Variants in ZNF609 observed in about 807,000 individuals in gnomAD.
ZNF609 encodes the protein zinc finger protein 609.
In ZNF609, 11 loss-of-function variants were observed where a neutral mutation model predicts 109.5. The observed-to-expected ratio is 0.10, with a 90% CI of 0.06 to 0.17. The LOEUF is 0.17. Ranked by LOEUF, ZNF609 falls within the 10% of genes least tolerant of loss-of-function variation. The pLI is 1.00. For synonymous variants in ZNF609, 646 were observed against 662.0 expected, an observed-to-expected ratio of 0.98 and a Z score of 0.37; for missense variants, 1,559 against 1,772.4, an observed-to-expected ratio of 0.88 and a Z score of 2.16.
chr15:64,661,318 T>C (rs1218601242), intron 3 of ZNF609, among the ~76,000 whole-genome samples: 2 of 152,222 alleles, frequency 1.3e-5, no homozygotes, highest in African/African-American at 4.8e-5. Flanking sequence ...CTTTCTCCTC[T>C]TATCTGAATG....
intron 3 of ZNF609, among the ~76,000 whole-genome samples, chr15:64,640,929 C>T (rs1249065383): frequency 6.6e-6 from 1 of 152,172 alleles, no homozygotes; most frequent in Non-Finnish European, 1.5e-5. Context: ...TTGCATTTCT[C>T]CCATCTTTCC....
At chr15:64,517,061 A>G (rs1024029109) in intron 2 of ZNF609, among the ~76,000 whole-genome samples, 2 of 152,192 alleles carry the variant, frequency 1.3e-5, no homozygotes, top group Non-Finnish European at 2.9e-5. Context: ...TGCTTTAAAA[A>G]TATAGCATTA....
intron 3 of ZNF609, among the ~76,000 whole-genome samples, chr15:64,645,020 CCTTCCTTCCTTT>C (rs1174990259): frequency 1.3e-4 from 17 of 134,686 alleles, no homozygotes; most frequent in South Asian, 2.4e-4. Flanking sequence ...TTCCTTCCTT[CCTTCCTTCCTTT>C]CTTCCTTCCT....
At chr15:64,658,274 C>T (rs1396823339) in intron 3 of ZNF609, among the ~76,000 whole-genome samples, 4 of 152,018 alleles carry the variant, frequency 2.6e-5, no homozygotes, top group Admixed American at 6.6e-5. Flanking sequence ...CTCGGCTCAC[C>T]GCAACCTCCG....
At chr15:64,462,558 C>T (rs1392006768) in intron 1 of ZNF609, among the ~76,000 whole-genome samples, 1 of 152,048 alleles carries the variant, frequency 6.6e-6, no homozygotes, top group African/African-American at 2.4e-5. Flanking sequence ...GGCTGGAGCC[C>T]AGGAGTTTAA....
rs540320364 is a variant in ZNF609 at position 64,517,855 on chromosome 15, C to G, written c.747+17689C>G. The stretch of plus-strand genomic sequence containing the variant: ...AGTACAGTGGCACAATCTTGGCCCA[C>G]TATAACCTCTGCCTCCTGGGCTCAA... On this transcript the variant is annotated intron_variant, in intron 2 of 9. Transcript: ENST00000326648. 7.9e-5 allele frequency among the ~76,000 whole-genome samples: 12 copies of G among 152,156 alleles called. No homozygotes were observed. In the South Asian group the frequency reaches 8.3e-4, roughly 11 times the overall value.
chr15:64,535,292 A>G (rs1894122776), intron 2 of ZNF609, among the ~76,000 whole-genome samples: 1 of 152,112 alleles, frequency 6.6e-6, no homozygotes, highest in Non-Finnish European at 1.5e-5. Context: ...TCAAATGATT[A>G]TCCTGCCTCT....
intron 1 of ZNF609, among the ~76,000 whole-genome samples, chr15:64,488,914 AAAAGAAAGAAAGAAAG>A (rs3985670): frequency 3.7e-5 from 1 of 27,234 alleles, no homozygotes; most frequent in Admixed American, 5.4e-4. Context: ...TTCTACAAAA[AAAAGAAAGAAAGAAAG>A]AAAGAAAGAA....
chr15:64,547,840 A>G (rs569219147), intron 2 of ZNF609, among the ~76,000 whole-genome samples: 1 of 152,308 alleles, frequency 6.6e-6, no homozygotes, highest in South Asian at 2.1e-4. Flanking sequence ...CTGATTTTTT[A>G]TTAGTGGTGA....
intron 2 of ZNF609, among the ~76,000 whole-genome samples, chr15:64,576,015 T>G (rs1465855944): frequency 2.0e-5 from 3 of 152,024 alleles, no homozygotes; most frequent in Non-Finnish European, 2.9e-5. Context: ...GGCAGGAGAA[T>G]GGCACGAACC....
At chr15:64,592,737 T>G (rs984052009) in intron 2 of ZNF609, among the ~76,000 whole-genome samples, 63 of 142,336 alleles carry the variant, frequency 4.4e-4, no homozygotes, top group African/African-American at 1.6e-3. Context: ...GCCAACATGA[T>G]GAAACCCCAT....
At chr15:64,552,400 C>T (rs1215252268) in intron 2 of ZNF609, among the ~76,000 whole-genome samples, 1 of 152,138 alleles carries the variant, frequency 6.6e-6, no homozygotes, top group Non-Finnish European at 1.5e-5. Flanking sequence ...GAGACAGAGT[C>T]TTGCTCTGTT....
At chr15:64,578,376 C>G (rs1895037701) in intron 2 of ZNF609, among the ~76,000 whole-genome samples, 1 of 151,956 alleles carries the variant, frequency 6.6e-6, no homozygotes, top group African/African-American at 2.4e-5. Context: ...TGGAATGATT[C>G]ATTTACAGGA....
intron 2 of ZNF609, among the ~76,000 whole-genome samples, chr15:64,577,045 CATAAAT>C (rs1894981181): frequency 1.0e-5 from 1 of 99,396 alleles, no homozygotes; most frequent in African/African-American, 3.5e-5. Flanking sequence ...TATATATACA[CATAAAT>C]ATATACATAT....
At chr15:64,670,220 G>T in intron 3 of ZNF609, 126 bp from the exon 4 acceptor site, 1 of 725,646 alleles carries the variant, frequency 1.4e-6, no homozygotes. Flanking sequence ...AATCCTATTT[G>T]TCCCATTGGT....
intron 2 of ZNF609, among the ~76,000 whole-genome samples, chr15:64,568,976 C>T (rs561249095): frequency 6.6e-6 from 1 of 152,318 alleles, no homozygotes; most frequent in East Asian, 1.9e-4. Flanking sequence ...ACTCTTACTA[C>T]CTCTGTACTC....
At chr15:64,518,962 C>T (rs1050304968) in intron 2 of ZNF609, among the ~76,000 whole-genome samples, 15 of 151,988 alleles carry the variant, frequency 9.9e-5, no homozygotes, top group Non-Finnish European at 1.6e-4. Flanking sequence ...TTTGGTCCTG[C>T]TCTTTCTAGG....
intron 2 of ZNF609, among the ~76,000 whole-genome samples, chr15:64,615,024 G>A (rs1895777391): frequency 6.6e-6 from 1 of 151,806 alleles, no homozygotes; most frequent in Non-Finnish European, 1.5e-5. Flanking sequence ...TCACCCTGTT[G>A]GCCAGGCTCG....
chr15:64,634,175 C>T (rs1359717368), intron 3 of ZNF609, among the ~76,000 whole-genome samples: 5 of 152,046 alleles, frequency 3.3e-5, no homozygotes, highest in African/African-American at 1.2e-4. Flanking sequence ...GACATCTAAA[C>T]AGACCCATGG....
Sources: allele counts gnomAD v4.1 joint callset (sites outside exome capture counted in the v4.1 genomes callset), GRCh38; gene constraint gnomAD v4.1.1; transcripts MANE v1.5; gene names NCBI Gene and HGNC (gene_info 2026-07-23, HGNC 2026-07-21).